The following ADGRL3 variants were observed in gnomAD, a reference collection of about 807,000 sequenced individuals.
ADGRL3 encodes adhesion G protein-coupled receptor L3.
ADGRL3 carries 62 observed loss-of-function variants against 153.5 expected under a neutral mutation model. The ratio of observed to expected loss-of-function variants is 0.40; its 90% CI spans 0.33 to 0.50. The LOEUF is 0.50. Ranked by LOEUF, ADGRL3 falls within the 20% of genes least tolerant of loss-of-function variation. The pLI, the probability that ADGRL3 is intolerant of heterozygous loss-of-function variation, is 0.47. For synonymous variants in ADGRL3, 710 were observed against 672.5 expected (o/e 1.06, Z -0.86); for missense variants, 1,641 against 1,859.4 (o/e 0.88, Z 2.16).
intron 8 of ADGRL3, among the ~76,000 whole-genome samples, chr4:61,743,060 C>G (rs956487280): frequency 6.6e-6 from 1 of 150,886 alleles, no homozygotes; most frequent in East Asian, 1.9e-4. Context: ...GTGGCTCATG[C>G]CTGTAATTCC....
chr4:61,271,869 GAT>G (rs2093201958), intron 1 of ADGRL3, among the ~76,000 whole-genome samples: 1 of 151,980 alleles, frequency 6.6e-6, no homozygotes, highest in East Asian at 1.9e-4. Context: ...ATGAATGGGT[GAT>G]ATATAGTTCC....
At chr4:61,549,487 C>T (rs1560823451) in intron 4 of ADGRL3, among the ~76,000 whole-genome samples, 1 of 151,952 alleles carries the variant, frequency 6.6e-6, no homozygotes, top group African/African-American at 2.4e-5. Flanking sequence ...TGCCTGAGAA[C>T]TTCCTCTGCT....
chr4:61,214,038 G>A (rs1417570662), intron 1 of ADGRL3, among the ~76,000 whole-genome samples: 1 of 152,094 alleles, frequency 6.6e-6, no homozygotes, highest in East Asian at 1.9e-4. Context: ...ATTGTTCATA[G>A]CTACTAATTC....
chr4:62,024,707 G>A (rs1217893507), intron 21 of ADGRL3, among the ~76,000 whole-genome samples: 3 of 151,988 alleles, frequency 2.0e-5, no homozygotes, highest in Admixed American at 2.0e-4. Flanking sequence ...GAGGCGGGCG[G>A]ATCACAAGGT....
intron 4 of ADGRL3, among the ~76,000 whole-genome samples, chr4:61,527,822 G>A (rs1311020723): frequency 6.6e-6 from 1 of 152,106 alleles, no homozygotes. Flanking sequence ...TAAGGTAAGA[G>A]CTTTAAAACT....
chr4:61,301,569 G>A (rs2150352561), intron 1 of ADGRL3, among the ~76,000 whole-genome samples: 1 of 152,316 alleles, frequency 6.6e-6, no homozygotes. Context: ...AATGTGAGCA[G>A]CTGCCAATCT....
chr4:61,968,279 G>GT (rs2099014106), intron 17 of ADGRL3, among the ~76,000 whole-genome samples: 1 of 152,068 alleles, frequency 6.6e-6, no homozygotes, highest in Admixed American at 6.6e-5. Context: ...AAAATGAGTC[G>GT]TTTTTTCACT....
chr4:61,931,166 T>C (rs1267045814), intron 13 of ADGRL3, among the ~76,000 whole-genome samples: 1 of 152,178 alleles, frequency 6.6e-6, no homozygotes, highest in African/African-American at 2.4e-5. Flanking sequence ...AAAAAACTCA[T>C]TATGAACTAT....
intron 1 of ADGRL3, among the ~76,000 whole-genome samples, chr4:61,223,410 T>A (rs533158234): frequency 3.7e-4 from 57 of 152,332 alleles, no homozygotes; most frequent in African/African-American, 1.3e-3. Context: ...AAAATTGTTT[T>A]TTATGGATTT....
chr4:62,017,653 G>A (rs1204236378), intron 21 of ADGRL3, among the ~76,000 whole-genome samples: 4 of 151,810 alleles, frequency 2.6e-5, no homozygotes, highest in Admixed American at 1.3e-4. Flanking sequence ...TTTTGTCCTG[G>A]TAAAGATAGT....
At chr4:62,058,851 A>T (rs1183209364) in intron 25 of ADGRL3, among the ~76,000 whole-genome samples, 7 of 152,180 alleles carry the variant, frequency 4.6e-5, no homozygotes, top group Non-Finnish European at 1.0e-4. Context: ...ACAGTATTAG[A>T]ATTAAAAGTG....
chr4:61,520,652 C>CTGTGTGTG (rs545112505), intron 4 of ADGRL3, among the ~76,000 whole-genome samples: 2,723 of 118,552 alleles, frequency 0.023, 115 homozygotes, highest in East Asian at 0.13. Flanking sequence ...CTATAAACCT[C>CTGTGTGTG]TGTGTGTGTG....
At chr4:61,261,845 T>A (rs1180556483) in intron 1 of ADGRL3, among the ~76,000 whole-genome samples, 1 of 152,104 alleles carries the variant, frequency 6.6e-6, no homozygotes, top group Non-Finnish European at 1.5e-5. Context: ...GGATTTGCCA[T>A]GAAAAGAGTG....
intron 11 of ADGRL3, among the ~76,000 whole-genome samples, chr4:61,906,151 T>G (rs2098694626): frequency 6.6e-6 from 1 of 151,940 alleles, no homozygotes; most frequent in Non-Finnish European, 1.5e-5. Flanking sequence ...ACTTATGTAG[T>G]GTGTTTGTAT....
At chr4:61,318,757 G>GC (rs1165506890) in intron 1 of ADGRL3, among the ~76,000 whole-genome samples, 1 of 152,050 alleles carries the variant, frequency 6.6e-6, no homozygotes, top group Non-Finnish European at 1.5e-5. Flanking sequence ...CCACACTTTT[G>GC]CCCAGTTATA....
At position 61,214,246 on chromosome 4, in the gene ADGRL3, A is replaced by G. The variant is rs1013374129; in HGVS notation, c.-240+12481A>G. Among the ~76,000 whole-genome samples the G allele has an allele frequency of 2.6e-5, 4 of 152,202 alleles. No individual in the cohort carries two copies. In the South Asian group the frequency reaches 8.3e-4, roughly 31 times the overall value. On this transcript the variant is annotated intron_variant, in intron 1 of 26. Transcript: ENST00000683033. ...TGCCTCATGTCTTTGAATTTAACAT[A>G]TTACTAAAACAAAACCATACAGTGA... is the stretch of plus-strand genomic sequence containing the variant.
At chr4:61,406,495 A>AT (rs11412734) in intron 2 of ADGRL3, among the ~76,000 whole-genome samples, 92,118 of 151,106 alleles carry the variant, frequency 0.61, 29,095 homozygotes, top group Admixed American at 0.74. Context: ...GAACATGCAG[A>AT]TTTTTTTTGG....
chr4:61,776,898 T>C (rs1157539751), intron 8 of ADGRL3, among the ~76,000 whole-genome samples: 1 of 152,216 alleles, frequency 6.6e-6, no homozygotes, highest in Non-Finnish European at 1.5e-5. Flanking sequence ...TTAGATCACT[T>C]ACTAAGTGTG....
intron 2 of ADGRL3, among the ~76,000 whole-genome samples, chr4:61,426,031 G>A (rs575744564): frequency 3.4e-4 from 52 of 152,348 alleles, no homozygotes; most frequent in African/African-American, 1.2e-3. Context: ...GCCCCACTGG[G>A]GCTGGGCCAC....
Sources: allele counts gnomAD v4.1 joint callset (sites outside exome capture counted in the v4.1 genomes callset), GRCh38; gene constraint gnomAD v4.1.1; transcripts MANE v1.5; gene names NCBI Gene and HGNC (gene_info 2026-07-23, HGNC 2026-07-21).